CYP2C18: variants seen among roughly 807,000 people sequenced by gnomAD.
The protein encoded by CYP2C18 is cytochrome P450 2C18.
Under a neutral mutation model 41.3 loss-of-function variants are expected in CYP2C18, and 38 were observed. That is an observed-to-expected ratio of 0.92 (90% confidence interval 0.71 to 1.21). The LOEUF (loss-of-function observed/expected upper bound fraction) is 1.21. Ranked by LOEUF, CYP2C18 falls within the 50% of genes most tolerant of loss-of-function variation. The probability of loss-of-function intolerance (pLI) is 0.00; values close to 1 mark genes in which losing one functional copy is unlikely to be tolerated. For missense variants in CYP2C18, 635 were observed against 591.4 expected, an observed-to-expected ratio of 1.07 and a Z score of -0.77; for synonymous variants, 236 against 210.0, an observed-to-expected ratio of 1.12 and a Z score of -1.07.
chr10:94,713,355 C>T (rs1360627557), intron 5 of CYP2C18, among the ~76,000 whole-genome samples: 1 of 151,690 alleles, frequency 6.6e-6, no homozygotes, highest in Non-Finnish European at 1.5e-5. Context: ...CAATAGTCCC[C>T]CGTGTGTGAT....
chr10:94,708,970 C>A (rs936241240), intron 5 of CYP2C18, among the ~76,000 whole-genome samples: 8 of 152,062 alleles, frequency 5.3e-5, no homozygotes, highest in Non-Finnish European at 1.0e-4. Context: ...TATTTCCATT[C>A]ATTAGTTGTT....
chr10:94,714,608 G>A (rs958779412), intron 5 of CYP2C18, among the ~76,000 whole-genome samples: 9 of 152,164 alleles, frequency 5.9e-5, no homozygotes, highest in African/African-American at 1.7e-4. Context: ...AAGTCAGGTA[G>A]CATGATGCCT....
At chr10:94,727,913 A>C (rs368964934) in intron 7 of CYP2C18, among the ~76,000 whole-genome samples, 1 of 152,156 alleles carries the variant, frequency 6.6e-6, no homozygotes, top group Non-Finnish European at 1.5e-5. Context: ...TATAATTCCC[A>C]AAAACAAGGA....
At chr10:94,707,671 A>G (rs1447896259) in intron 5 of CYP2C18, among the ~76,000 whole-genome samples, 1 of 152,184 alleles carries the variant, frequency 6.6e-6, no homozygotes, top group Non-Finnish European at 1.5e-5. Context: ...GCTACAAGAC[A>G]TTTCATATAT....
intron 3 of CYP2C18, among the ~76,000 whole-genome samples, chr10:94,692,671 G>A (rs1195129127): frequency 6.6e-6 from 1 of 151,594 alleles, no homozygotes; most frequent in Non-Finnish European, 1.5e-5. Context: ...CCATTACTGG[G>A]TATATACCCA....
chr10:94,693,876 C>T (rs1331747826), intron 3 of CYP2C18, among the ~76,000 whole-genome samples: 1 of 152,132 alleles, frequency 6.6e-6, no homozygotes, highest in East Asian at 1.9e-4. Flanking sequence ...GCCCTTTCCT[C>T]TTATTGCCCT....
chr10:94,714,742 G>A (rs1847508307), intron 5 of CYP2C18, among the ~76,000 whole-genome samples: 2 of 152,080 alleles, frequency 1.3e-5, no homozygotes, highest in African/African-American at 2.4e-5. Flanking sequence ...GATGGGGATG[G>A]CATTGAATCT....
chr10:94,720,263 G>A (rs1847625070), intron 5 of CYP2C18, 133 bp from the exon 6 acceptor site: 3 of 678,244 alleles, frequency 4.4e-6, no homozygotes, highest in Non-Finnish European at 7.2e-6. Flanking sequence ...TGCAATTGTT[G>A]TAGTTTTAAT....
At chr10:94,722,460 T>C (rs1234308839) in intron 6 of CYP2C18, among the ~76,000 whole-genome samples, 1 of 152,134 alleles carries the variant, frequency 6.6e-6, no homozygotes, top group Non-Finnish European at 1.5e-5. Context: ...AGTTGGAGTA[T>C]AACCATCAAG....
intron 4 of CYP2C18, among the ~76,000 whole-genome samples, chr10:94,696,730 GA>G (rs1159385720): frequency 2.6e-5 from 4 of 151,816 alleles, no homozygotes; most frequent in Admixed American, 6.6e-5. Flanking sequence ...TAAAAACCTT[GA>G]AAAAAAATTA....
At chr10:94,724,625 G>C (rs1389610462) in intron 7 of CYP2C18, 92 bp downstream of exon 7, 1 of 1,253,188 alleles carries the variant, frequency 8.0e-7, no homozygotes, top group East Asian at 2.3e-5. Flanking sequence ...CATGATGAGA[G>C]AAGTGTAAAA....
At chr10:94,696,563 A>C (rs1468165730) in intron 4 of CYP2C18, among the ~76,000 whole-genome samples, 1 of 152,168 alleles carries the variant, frequency 6.6e-6, no homozygotes, top group Non-Finnish European at 1.5e-5. Flanking sequence ...AACTCTAAAA[A>C]TCAGAGTGCC....
At chr10:94,734,140 A>AT (rs983351416) in intron 8 of CYP2C18, among the ~76,000 whole-genome samples, 1 of 151,902 alleles carries the variant, frequency 6.6e-6, no homozygotes, top group African/African-American at 2.4e-5. Context: ...CTGTAGATCT[A>AT]GGGGGTCAGA....
At chr10:94,731,059 A>G (rs1847823170) in intron 7 of CYP2C18, among the ~76,000 whole-genome samples, 1 of 152,186 alleles carries the variant, frequency 6.6e-6, no homozygotes, top group South Asian at 2.1e-4. Flanking sequence ...TTCCATTCTC[A>G]TGGATTGGAA....
At chr10:94,722,958 A>C (rs1847671687) in intron 6 of CYP2C18, among the ~76,000 whole-genome samples, 1 of 152,134 alleles carries the variant, frequency 6.6e-6, no homozygotes, top group African/African-American at 2.4e-5. Flanking sequence ...AATGTCCAGC[A>C]AAGTGAATGA....
intron 3 of CYP2C18, 30 bp from the exon 4 acceptor site, chr10:94,694,887 T>C: frequency 6.3e-7 from 1 of 1,598,366 alleles, no homozygotes; most frequent in Admixed American, 1.7e-5. Flanking sequence ...TATATTTTAA[T>C]GGTAATTTAA....
chr10:94,725,256 T>TA (rs1008834598), intron 7 of CYP2C18, among the ~76,000 whole-genome samples: 12 of 151,392 alleles, frequency 7.9e-5, no homozygotes, highest in South Asian at 2.1e-4. Context: ...TAATATACTT[T>TA]AAAAAAAATG....
At chr10:94,730,654 C>G (rs1847815541) in intron 7 of CYP2C18, among the ~76,000 whole-genome samples, 1 of 152,126 alleles carries the variant, frequency 6.6e-6, no homozygotes, top group African/African-American at 2.4e-5. Context: ...TATTTAAAAA[C>G]TGTCTTCTGG....
At chr10:94,689,681 A>C (rs879275064) in intron 3 of CYP2C18, among the ~76,000 whole-genome samples, 3 of 152,174 alleles carry the variant, frequency 2.0e-5, no homozygotes, top group Non-Finnish European at 2.9e-5. Flanking sequence ...AATATTATTT[A>C]TAATATTTCC....
Sources: allele counts gnomAD v4.1 joint callset (sites outside exome capture counted in the v4.1 genomes callset), GRCh38; gene constraint gnomAD v4.1.1; transcripts MANE v1.5; gene names NCBI Gene and HGNC (gene_info 2026-07-23, HGNC 2026-07-21).